The following PPP1R16B variants were observed in gnomAD, a reference collection of about 807,000 sequenced individuals.
PPP1R16B encodes the protein protein phosphatase 1 regulatory inhibitor subunit 16B.
A neutral mutation model predicts 61.7 loss-of-function variants in PPP1R16B; 14 were observed. The ratio of observed to expected loss-of-function variants is 0.23; its 90% CI spans 0.15 to 0.35. The LOEUF is 0.35. Among genes scored for constraint, PPP1R16B ranks in the 10% least tolerant of loss-of-function variants. The pLI, the probability that PPP1R16B is intolerant of heterozygous loss-of-function variation, is 1.00. For missense variants in PPP1R16B, 547 were observed against 752.5 expected, an observed-to-expected ratio of 0.73 and a Z score of 3.19; for synonymous variants, 266 against 305.3, an observed-to-expected ratio of 0.87 and a Z score of 1.34.
chr20:38,918,594 C>G lies in PPP1R16B; in HGVS notation c.1632C>G (p.Pro544=). Residue 544 remains proline, a synonymous_variant, in exon 11 of 11, where the codon CCC becomes CCG. Coordinates refer to ENST00000299824, the MANE Select transcript of PPP1R16B (RefSeq NM_015568.4). This position sits in a 1 kb window ranked among gnomAD's most constrained non-coding sequence, Gnocchi z 5.3. ...ATTACACGGTCACCAGCGGAGATCC[C>G]CCACTCTTAAAGTTCAAGGCCCCCA... ...SVYYTVTSGD[P]PLLKFKAPIE... The G allele has an allele frequency of 6.5e-7, 1 of 1,530,724 alleles. No homozygotes were observed. The highest frequency in any genetic ancestry group is 1.4e-5 in the African/African-American group (1 of 72,414). The allele number at this position is 1,530,724 out of a possible 1,614,324, so 94.8% of individuals were successfully genotyped here.
At chr20:38,858,500 T>C (rs1199363302) in intron 2 of PPP1R16B, among the ~76,000 whole-genome samples, 1 of 152,166 alleles carries the variant, frequency 6.6e-6, no homozygotes, top group Non-Finnish European at 1.5e-5. Flanking sequence ...GGGAGAGCCC[T>C]AGTCTTGGAA....
At chr20:38,820,384 C>A (rs2084765250) in intron 1 of PPP1R16B, among the ~76,000 whole-genome samples, 1 of 151,904 alleles carries the variant, frequency 6.6e-6, no homozygotes, top group Admixed American at 6.6e-5. Flanking sequence ...CATGGAGAAA[C>A]CCCTTCTCTA....
chr20:38,916,069 TA>T (rs1206681598), intron 10 of PPP1R16B, among the ~76,000 whole-genome samples: 677 of 127,808 alleles, frequency 5.3e-3, no homozygotes, highest in African/African-American at 8.3e-3. Flanking sequence ...AAGGAGCCAT[TA>T]AAAAAAAAAA....
At chr20:38,807,934 G>C (rs185775357) in intron 1 of PPP1R16B, among the ~76,000 whole-genome samples, 2 of 152,104 alleles carry the variant, frequency 1.3e-5, no homozygotes, top group Non-Finnish European at 2.9e-5. Context: ...AGAAAGACAC[G>C]GTAGGCAAGG....
intron 2 of PPP1R16B, among the ~76,000 whole-genome samples, chr20:38,838,911 G>A (rs2084890762): frequency 6.6e-6 from 1 of 152,124 alleles, no homozygotes; most frequent in African/African-American, 2.4e-5. Context: ...CACCTCTATG[G>A]GTCCAGTTTT....
chr20:38,901,718 G>C (rs2085395452), intron 5 of PPP1R16B, among the ~76,000 whole-genome samples: 1 of 152,156 alleles, frequency 6.6e-6, no homozygotes, highest in South Asian at 2.1e-4. Flanking sequence ...CCAGAATAAT[G>C]TTTTTAAATG....
intron 2 of PPP1R16B, among the ~76,000 whole-genome samples, chr20:38,868,924 T>A (rs2085107781): frequency 6.6e-6 from 1 of 152,212 alleles, no homozygotes; most frequent in African/African-American, 2.4e-5. Flanking sequence ...CACCTGTTTT[T>A]ATTTTTTAAA....
intron 2 of PPP1R16B, chr20:38,838,152 C>T (rs939191084): frequency 2.0e-5 from 3 of 152,302 alleles, no homozygotes; most frequent in Non-Finnish European, 4.4e-5. Context: ...CAGCCCCCTT[C>T]CCTGGGCTTG....
At chr20:38,846,270 C>T (rs1242617343) in intron 2 of PPP1R16B, among the ~76,000 whole-genome samples, 1 of 152,104 alleles carries the variant, frequency 6.6e-6, no homozygotes, top group African/African-American at 2.4e-5. Flanking sequence ...CAGCATGATA[C>T]AAGTGCAGTA....
intron 1 of PPP1R16B, among the ~76,000 whole-genome samples, chr20:38,808,810 G>T (rs1215686232): frequency 6.6e-6 from 1 of 152,110 alleles, no homozygotes; most frequent in African/African-American, 2.4e-5. Flanking sequence ...AAGGCGGGAG[G>T]ATCACTAGAC....
intron 2 of PPP1R16B, among the ~76,000 whole-genome samples, chr20:38,866,473 C>T (rs1160334799): frequency 2.0e-5 from 3 of 152,322 alleles, no homozygotes; most frequent in Admixed American, 1.3e-4. Flanking sequence ...GTCAGCGTCC[C>T]GTAGCAGCTG....
At chr20:38,849,664 A>AAACAAC (rs1208321883) in intron 2 of PPP1R16B, among the ~76,000 whole-genome samples, 1 of 147,478 alleles carries the variant, frequency 6.8e-6, no homozygotes, top group Non-Finnish European at 1.5e-5. Context: ...CCTGATTTAA[A>AAACAAC]AACAACAACA....
chr20:38,854,417 G>A (rs1288000190), intron 2 of PPP1R16B, among the ~76,000 whole-genome samples: 3 of 152,198 alleles, frequency 2.0e-5, no homozygotes, highest in Admixed American at 1.3e-4. Context: ...GATTGATGTT[G>A]TAACAGAAAC....
chr20:38,830,918 C>T (rs975392991), intron 1 of PPP1R16B, among the ~76,000 whole-genome samples: 1 of 152,162 alleles, frequency 6.6e-6, no homozygotes, highest in African/African-American at 2.4e-5. Flanking sequence ...TTACTCTTTA[C>T]TTTTAGCATG....
At chr20:38,858,473 G>T (rs1269315687) in intron 2 of PPP1R16B, among the ~76,000 whole-genome samples, 2 of 152,148 alleles carry the variant, frequency 1.3e-5, no homozygotes, top group Non-Finnish European at 2.9e-5. Flanking sequence ...CAGAACACAG[G>T]GCATATCATT....
chr20:38,918,834 C>A lies in PPP1R16B; in HGVS notation c.*168C>A. Reference sequence around the variant, plus strand: ...GCTGGCTGCCCATAGCATCCCATGTCCCACGTCCCGTGGTTCTGCTTCCTG... The same window carrying A: ...GCTGGCTGCCCATAGCATCCCATGTACCACGTCCCGTGGTTCTGCTTCCTG... On this transcript the variant is annotated 3_prime_UTR_variant, in exon 11 of 11. Coordinates refer to ENST00000299824, the MANE Select transcript of PPP1R16B (RefSeq NM_015568.4). This position sits in a 1 kb window ranked among gnomAD's most constrained non-coding sequence, Gnocchi z 5.3. 1 of 806,622 alleles carries A rather than the reference C, an allele frequency of 1.2e-6. No homozygotes were observed. Among genetic ancestry groups the A allele is most frequent in the Non-Finnish European group, 1.7e-6 (1 of 573,748 alleles). The allele number at this position is 806,622 out of a possible 1,614,324, so 50.0% of individuals were successfully genotyped here.
intron 1 of PPP1R16B, among the ~76,000 whole-genome samples, chr20:38,807,326 G>A (rs566056683): frequency 1.3e-5 from 2 of 152,338 alleles, no homozygotes; most frequent in Admixed American, 6.5e-5. Flanking sequence ...AAGATACGGG[G>A]CTAACAGCCG....
intron 2 of PPP1R16B, among the ~76,000 whole-genome samples, chr20:38,854,517 A>G (rs576959805): frequency 7.9e-5 from 12 of 152,352 alleles, no homozygotes; most frequent in African/African-American, 2.6e-4. Flanking sequence ...CAAAATGTGG[A>G]TGACATAGGT....
At chr20:38,902,219 T>C (rs920809577) in intron 5 of PPP1R16B, among the ~76,000 whole-genome samples, 3 of 152,166 alleles carry the variant, frequency 2.0e-5, no homozygotes, top group African/African-American at 4.8e-5. Context: ...GCAACTAAAA[T>C]TGATTGAGCG....
Sources: gnomAD v4.1 joint callset for allele counts (sites outside exome capture counted in the v4.1 genomes callset) on GRCh38, gnomAD v4.1.1 for gene constraint, Gnocchi (gnomAD v3.1) non-coding constraint, MANE v1.5 for transcripts, NCBI Gene and HGNC (gene_info 2026-07-23, HGNC 2026-07-21) for gene names.